Variants in GPR158 observed in about 807,000 individuals in gnomAD.
GPR158 encodes the protein G protein-coupled receptor 158, also known as metabotropic glycine receptor.
Under a neutral mutation model 78.2 loss-of-function variants are expected in GPR158, and 30 were observed. That is an observed-to-expected ratio of 0.38 (90% CI 0.29 to 0.52). GPR158 has a LOEUF of 0.52. Ranked by LOEUF, GPR158 falls within the 20% of genes least tolerant of loss-of-function variation. The pLI is 0.83. For synonymous variants in GPR158, 581 were observed against 591.1 expected, an observed-to-expected ratio of 0.98 and a Z score of 0.25; for missense variants, 1,463 against 1,523.5, an observed-to-expected ratio of 0.96 and a Z score of 0.66.
At chr10:25,581,845 C>T (rs1837203876) in intron 7 of GPR158, among the ~76,000 whole-genome samples, 1 of 152,148 alleles carries the variant, frequency 6.6e-6, no homozygotes, top group Non-Finnish European at 1.5e-5. Flanking sequence ...TGTATTAGTT[C>T]ATTTTCACAC....
chr10:25,249,613 T>A (rs556056439), intron 2 of GPR158, among the ~76,000 whole-genome samples: 1 of 151,868 alleles, frequency 6.6e-6, no homozygotes, highest in Admixed American at 6.6e-5. Context: ...CTGGATTACA[T>A]TTATTGATTT....
At chr10:25,394,366 A>G (rs1452166992) in intron 2 of GPR158, among the ~76,000 whole-genome samples, 1 of 152,268 alleles carries the variant, frequency 6.6e-6, no homozygotes, top group Admixed American at 6.5e-5. Context: ...CTGACTGACC[A>G]CAACTAATAT....
chr10:25,374,087 T>C (rs1834042292), intron 2 of GPR158, among the ~76,000 whole-genome samples: 1 of 151,704 alleles, frequency 6.6e-6, no homozygotes. Flanking sequence ...TTTTCCTTAT[T>C]AAGTTTAAAT....
chr10:25,285,714 T>C (rs957798441), intron 2 of GPR158, among the ~76,000 whole-genome samples: 8 of 152,182 alleles, frequency 5.3e-5, no homozygotes, highest in South Asian at 2.1e-4. Context: ...CCAATCTTCT[T>C]TGAATAAAAC....
chr10:25,363,978 C>T (rs889295004), intron 2 of GPR158, among the ~76,000 whole-genome samples: 1 of 151,938 alleles, frequency 6.6e-6, no homozygotes, highest in Non-Finnish European at 1.5e-5. Flanking sequence ...CGCATCTACT[C>T]ACTGAGTTGC....
At position 25,305,325 on chromosome 10, in the gene GPR158, T is replaced by C. The variant is rs71495422; in HGVS notation, c.1008+84168T>C. ...TTCAGTAGTTCATTCATCAGTCATA[T>C]TTTAAGCCTTTACTATGTGCCAGGG... is the stretch of plus-strand genomic sequence containing the variant. On this transcript the variant is annotated intron_variant, in intron 2 of 10. Transcript: ENST00000376351. Among the ~76,000 whole-genome samples, 678 of 152,338 alleles carry C rather than the reference T, an allele frequency of 4.5e-3. 4 individuals are homozygous for C. The highest frequency in any genetic ancestry group is 0.014 in the Middle Eastern group (4 of 294).
intron 2 of GPR158, among the ~76,000 whole-genome samples, chr10:25,290,881 C>T (rs1329638918): frequency 1.3e-5 from 2 of 151,794 alleles, no homozygotes. Context: ...TTTGATTGCA[C>T]AAGGGGCCCT....
chr10:25,517,099 T>C (rs1045869861), intron 5 of GPR158, among the ~76,000 whole-genome samples: 2 of 149,256 alleles, frequency 1.3e-5, no homozygotes, highest in African/African-American at 5.1e-5. Flanking sequence ...CCCTTGTAAG[T>C]TGGATTCCTA....
chr10:25,285,066 T>TTGTG (rs149094801), intron 2 of GPR158, among the ~76,000 whole-genome samples: 98,876 of 148,982 alleles, frequency 0.66, 33,142 homozygotes, highest in Non-Finnish European at 0.72. Context: ...GTTCTATTCA[T>TTGTG]TGTGTGTGTG....
intron 2 of GPR158, among the ~76,000 whole-genome samples, chr10:25,258,263 A>G (rs1417945908): frequency 6.6e-6 from 1 of 152,100 alleles, no homozygotes; most frequent in Non-Finnish European, 1.5e-5. Flanking sequence ...TCACTTATTC[A>G]TTTGTTTATG....
chr10:25,194,278 C>T (rs528693923), intron 1 of GPR158, among the ~76,000 whole-genome samples: 11 of 152,228 alleles, frequency 7.2e-5, no homozygotes, highest in African/African-American at 1.9e-4. Flanking sequence ...GTGGCTCATG[C>T]CTGTAATCAC....
At chr10:25,403,788 T>C in intron 3 of GPR158, among the ~76,000 whole-genome samples, 1 of 152,046 alleles carries the variant, frequency 6.6e-6, no homozygotes, top group East Asian at 1.9e-4. Flanking sequence ...TTTGAGAGCA[T>C]GAACAATGAA....
intron 2 of GPR158, among the ~76,000 whole-genome samples, chr10:25,261,453 A>G (rs905188345): frequency 3.9e-5 from 6 of 151,996 alleles, no homozygotes; most frequent in African/African-American, 1.4e-4. Context: ...TTTTTTTTAC[A>G]TCATTCTCTT....
intron 2 of GPR158, among the ~76,000 whole-genome samples, chr10:25,395,356 C>G (rs909401240): frequency 6.6e-6 from 1 of 151,934 alleles, no homozygotes; most frequent in African/African-American, 2.4e-5. Flanking sequence ...TTATTTTTAT[C>G]TTCTAAATTT....
In GPR158 at chr10:25,386,016, A is replaced by G. The variant is rs189302257; in HGVS notation, c.1009-9895A>G. Among the ~76,000 whole-genome samples the G allele has an allele frequency of 2.3e-3, 346 of 152,216 alleles. 4 individuals are homozygous for G. The highest frequency in any genetic ancestry group is 4.4e-3 in the Non-Finnish European group (297 of 67,958). ...TTTTGTTGGTTGTGGATTTGATGTC[A>G]TATCCAAGAAACCATTCCCAAATCT... On this transcript the variant is annotated intron_variant, in intron 2 of 10. Transcript: ENST00000376351.
At chr10:25,374,018 G>A (rs918738182) in intron 2 of GPR158, among the ~76,000 whole-genome samples, 7 of 151,592 alleles carry the variant, frequency 4.6e-5, no homozygotes, top group Non-Finnish European at 7.4e-5. Flanking sequence ...GCAAAAAAAT[G>A]TATTAAATCC....
At chr10:25,392,114 T>G (rs1354880867) in intron 2 of GPR158, among the ~76,000 whole-genome samples, 2 of 152,214 alleles carry the variant, frequency 1.3e-5, no homozygotes, top group Non-Finnish European at 2.9e-5. Flanking sequence ...CAATTAAGAC[T>G]CTTTCCTTTG....
At chr10:25,503,100 C>T (rs1423865425) in intron 5 of GPR158, among the ~76,000 whole-genome samples, 4 of 151,840 alleles carry the variant, frequency 2.6e-5, no homozygotes, top group Non-Finnish European at 5.9e-5. Context: ...TTGAGGTCCA[C>T]GTGCAGTGGC....
At chr10:25,247,933 C>A (rs1359979179) in intron 2 of GPR158, among the ~76,000 whole-genome samples, 1 of 149,468 alleles carries the variant, frequency 6.7e-6, no homozygotes, top group Non-Finnish European at 1.5e-5. Context: ...GTCCCACCAA[C>A]AATGTAAAAG....
Sources: gnomAD v4.1 joint callset for allele counts (sites outside exome capture counted in the v4.1 genomes callset) on GRCh38, gnomAD v4.1.1 for gene constraint, MANE v1.5 for transcripts, NCBI Gene and HGNC (gene_info 2026-07-23, HGNC 2026-07-21) for gene names.